The following ELMOD2 variants were observed in gnomAD, a reference collection of about 807,000 sequenced individuals.
The protein encoded by ELMOD2 is ELMO domain containing 2.
Under a neutral mutation model 41.0 loss-of-function variants are expected in ELMOD2, and 28 were observed. The observed-to-expected ratio is 0.68, with a 90% confidence interval of 0.51 to 0.94. The LOEUF (loss-of-function observed/expected upper bound fraction) is 0.94, where lower values mean the gene tolerates loss of function less well. Among genes scored for constraint, ELMOD2 ranks in the 40% least tolerant of loss-of-function variants. The probability of loss-of-function intolerance (pLI) is 0.00; values close to 1 mark genes in which losing one functional copy is unlikely to be tolerated. For synonymous variants in ELMOD2, 106 were observed against 107.2 expected, an observed-to-expected ratio of 0.99 and a Z score of 0.07; for missense variants, 333 against 343.1, an observed-to-expected ratio of 0.97 and a Z score of 0.23.
chr4:140,550,120 T>A, intron 8 of ELMOD2, 110 bp from the exon 9 acceptor site: 1 of 911,402 alleles, frequency 1.1e-6, no homozygotes, highest in Non-Finnish European at 1.6e-6. Flanking sequence ...TTTTGATTAT[T>A]GTATTCTAAT....
chr4:140,548,911 A>G (rs1735377833), intron 8 of ELMOD2, among the ~76,000 whole-genome samples: 1 of 152,168 alleles, frequency 6.6e-6, no homozygotes, highest in African/African-American at 2.4e-5. Flanking sequence ...CATATGATAA[A>G]CTGCACATAT....
chr4:140,552,786 G>T lies in ELMOD2; in HGVS notation c.*2411G>T, dbSNP rs971213907. 2.0e-5 allele frequency: 3 copies of T among 152,038 alleles called. No individual in the cohort carries two copies. Among genetic ancestry groups the T allele is most frequent in the Admixed American group, 6.6e-5 (1 of 15,254 alleles). The allele number at this position is 152,038 out of a possible 1,614,324, so 9.4% of individuals were successfully genotyped here. On this transcript the variant is annotated 3_prime_UTR_variant, in exon 9 of 9. Coordinates refer to ENST00000323570, the MANE Select transcript of ELMOD2 (RefSeq NM_153702.4). ...TAAATAGATGTTGAAATGAATTTTT[G>T]TATGTGCCAGGTTGAAGAGAGTGTG...
intron 3 of ELMOD2, among the ~76,000 whole-genome samples, chr4:140,532,310 G>T (rs1157960440): frequency 6.6e-6 from 1 of 151,930 alleles, no homozygotes; most frequent in East Asian, 1.9e-4. Flanking sequence ...GGGGTTGCAG[G>T]TGCACACCAC....
rs1173049651 is a variant in ELMOD2 at position 140,552,476 on chromosome 4, G to C, written c.*2101G>C. On this transcript the variant is annotated 3_prime_UTR_variant, in exon 9 of 9. Coordinates refer to ENST00000323570, the MANE Select transcript of ELMOD2 (RefSeq NM_153702.4). Reference sequence around the variant, plus strand: ...TCTAAAAGCCACTAATAAATTCTAGGGTTTGAGTCTAGAAGCCAAGCAAAC... The same window carrying C: ...TCTAAAAGCCACTAATAAATTCTAGCGTTTGAGTCTAGAAGCCAAGCAAAC... 1 of 151,936 alleles carries C rather than the reference G, an allele frequency of 6.6e-6. No homozygotes were observed. The highest frequency in any genetic ancestry group is 1.5e-5 in the Non-Finnish European group (1 of 67,918). The allele number at this position is 151,936 out of a possible 1,614,324, so 9.4% of individuals were successfully genotyped here.
Position 140,550,465 on chromosome 4 carries a change from C to A in ELMOD2, c.*90C>A. ...TAGGAATTATCTGATCAATTACACT[C>A]TTATATATAATTTCCTACAAAAATA... On this transcript the variant is annotated 3_prime_UTR_variant, in exon 9 of 9. Transcript: ENST00000323570. 1.6e-6 allele frequency: 2 copies of A among 1,243,322 alleles called. No homozygotes were observed. The highest frequency in any genetic ancestry group is 1.1e-6 in the Non-Finnish European group (1 of 915,410). 77.0% of individuals were successfully genotyped at this position (1,243,322 alleles called of 1,614,324 possible).
intron 2 of ELMOD2, 60 bp downstream of exon 2, chr4:140,525,630 A>C (rs1734539840): frequency 6.6e-7 from 1 of 1,517,798 alleles, no homozygotes; most frequent in Admixed American, 2.2e-5. Flanking sequence ...TTTTCTCAGG[A>C]CTCACAGTGA....
intron 8 of ELMOD2, among the ~76,000 whole-genome samples, chr4:140,548,657 C>T (rs913089237): frequency 6.6e-6 from 1 of 152,100 alleles, no homozygotes; most frequent in South Asian, 2.1e-4. Context: ...ATTTGGGGCA[C>T]ATCATTTAAC....
At chr4:140,550,144 G>A in intron 8 of ELMOD2, 86 bp from the exon 9 acceptor site, 1 of 1,134,940 alleles carries the variant, frequency 8.8e-7, no homozygotes, top group Non-Finnish European at 1.3e-6. Context: ...GAATTTAAAG[G>A]ATGGTTATAT....
Position 140,551,233 on chromosome 4 carries a change from A to G in ELMOD2, c.*858A>G, listed in dbSNP as rs913878815. ...GCCAAGAAAATCTTGATTATATAAA[A>G]GACAAAAAGATTATAAAAGACAGTT... On this transcript the variant is annotated 3_prime_UTR_variant, in exon 9 of 9. Transcript: ENST00000323570. 1 of 152,108 alleles carries G rather than the reference A, an allele frequency of 6.6e-6. No homozygotes were observed. The highest frequency in any genetic ancestry group is 1.5e-5 in the Non-Finnish European group (1 of 67,978). 9.4% of individuals were successfully genotyped at this position (152,108 alleles called of 1,614,324 possible). A position where few individuals can be genotyped will look rare whatever the true frequency, so the allele number is the denominator to read the frequency against.
intron 8 of ELMOD2, among the ~76,000 whole-genome samples, chr4:140,544,381 C>T (rs1263927380): frequency 6.6e-6 from 1 of 152,100 alleles, no homozygotes; most frequent in Non-Finnish European, 1.5e-5. Context: ...TGCATCTTAA[C>T]TTTCTCTTGC....
At chr4:140,542,230 C>CTT (rs1735127814) in intron 6 of ELMOD2, among the ~76,000 whole-genome samples, 1 of 150,750 alleles carries the variant, frequency 6.6e-6, no homozygotes, top group East Asian at 1.9e-4. Context: ...GAAGAGTGTC[C>CTT]TAACAGGTAC....
At chr4:140,542,975 G>T (rs1735156384) in intron 7 of ELMOD2, among the ~76,000 whole-genome samples, 1 of 151,930 alleles carries the variant, frequency 6.6e-6, no homozygotes, top group South Asian at 2.1e-4. Context: ...TTTGAAAATT[G>T]TAAAGTGAAA....
chr4:140,533,158 T>A (rs990021772), intron 3 of ELMOD2, among the ~76,000 whole-genome samples: 3 of 152,208 alleles, frequency 2.0e-5, no homozygotes, highest in African/African-American at 7.2e-5. Context: ...CAAATCGATC[T>A]ATGGATTCAA....
Position 140,537,444 on chromosome 4 carries a change from A to G in ELMOD2, c.302A>G (p.Gln101Arg). The change falls in exon 5 of 9, where the codon CAG (glutamine) becomes CGG (arginine). Residue 101 changes from glutamine to arginine, a missense_variant. Transcript: ENST00000323570. ...FKICMKMCLL[Q>R]ITGYKQLYLD... Reference sequence around the variant, plus strand: ...ATATGCATGAAGATGTGCTTACTGCAGATAACTGGTTATAAACAGCTGTAT... The same window carrying G: ...ATATGCATGAAGATGTGCTTACTGCGGATAACTGGTTATAAACAGCTGTAT... 1 of 1,557,892 alleles carries G rather than the reference A, an allele frequency of 6.4e-7. No homozygotes were observed. Among genetic ancestry groups the G allele is most frequent in the Non-Finnish European group, 8.6e-7 (1 of 1,158,528 alleles).
intron 8 of ELMOD2, among the ~76,000 whole-genome samples, chr4:140,543,831 AT>A (rs1324432786): frequency 6.6e-6 from 1 of 152,092 alleles, no homozygotes; most frequent in Non-Finnish European, 1.5e-5. Flanking sequence ...CACATCTAAG[AT>A]TCATGTAATT....
intron 3 of ELMOD2, among the ~76,000 whole-genome samples, chr4:140,532,031 G>C (rs982638251): frequency 6.6e-6 from 1 of 152,066 alleles, no homozygotes; most frequent in Non-Finnish European, 1.5e-5. Flanking sequence ...TGATACTAAA[G>C]CCAGATATAG....
chr4:140,550,025 A>G (rs556989240), intron 8 of ELMOD2, among the ~76,000 whole-genome samples: 1 of 152,172 alleles, frequency 6.6e-6, no homozygotes, highest in African/African-American at 2.4e-5. Context: ...GACGTTGTTG[A>G]TTTTTGAGAC....
chr4:140,542,535 G>A, intron 6 of ELMOD2, 39 bp from the exon 7 acceptor site: 1 of 1,447,538 alleles, frequency 6.9e-7, no homozygotes, highest in East Asian at 2.3e-5. Flanking sequence ...ACATTTGAAT[G>A]GCGTACATTT....
rs908282519 is a variant in ELMOD2, at chr4:140,553,339, C to G, written c.*2964C>G. ...AATAACAGGGACCAGCAGCAGTTTT[C>G]TCAGGATAAATGCTCTACCCCACTT... On this transcript the variant is annotated 3_prime_UTR_variant, in exon 9 of 9. Coordinates refer to ENST00000323570, the MANE Select transcript of ELMOD2 (RefSeq NM_153702.4). 2 of 152,076 alleles carry G rather than the reference C, an allele frequency of 1.3e-5. No homozygotes were observed. Among genetic ancestry groups the G allele is most frequent in the Non-Finnish European group, 2.9e-5 (2 of 67,974 alleles). The allele number at this position is 152,076 out of a possible 1,614,324, so 9.4% of individuals were successfully genotyped here. A position where few individuals can be genotyped will look rare whatever the true frequency, so the allele number is the denominator to read the frequency against.
Sources: allele counts gnomAD v4.1 joint callset (sites outside exome capture counted in the v4.1 genomes callset), GRCh38; gene constraint gnomAD v4.1.1; transcripts MANE v1.5; gene names NCBI Gene and HGNC (gene_info 2026-07-23, HGNC 2026-07-21).